Variants in ADAMTS17 observed in about 807,000 individuals in gnomAD.
ADAMTS17 encodes A disintegrin and metalloproteinase with thrombospondin motifs 17.
Under a neutral mutation model 141.5 loss-of-function variants are expected in ADAMTS17, and 113 were observed. The ratio of observed to expected loss-of-function variants is 0.80; its 90% confidence interval spans 0.69 to 0.93. ADAMTS17 has a LOEUF of 0.93. Among genes scored for constraint, ADAMTS17 ranks in the 40% least tolerant of loss-of-function variants. The pLI, the probability that ADAMTS17 is intolerant of heterozygous loss-of-function variation, is 0.00. For synonymous variants in ADAMTS17, 768 were observed against 630.6 expected, an observed-to-expected ratio of 1.22 and a Z score of -3.27; for missense variants, 1,659 against 1,517.9, an observed-to-expected ratio of 1.09 and a Z score of -1.54.
intron 14 of ADAMTS17, 63 bp from the exon 15 acceptor site, chr15:100,096,539 C>T: frequency 1.9e-6 from 3 of 1,610,618 alleles, no homozygotes; most frequent in Non-Finnish European, 1.7e-6. Context: ...AAAGAGGCTG[C>T]CCTGCAAGGC....
chr15:100,051,870 C>G, intron 16 of ADAMTS17, 139 bp from the exon 17 acceptor site: 1 of 1,073,304 alleles, frequency 9.3e-7, no homozygotes, highest in Non-Finnish European at 1.4e-6. Context: ...AAAACAGGTT[C>G]CACTGAGGGT....
intron 20 of ADAMTS17, among the ~76,000 whole-genome samples, chr15:99,988,686 C>G (rs1356614945): frequency 5.3e-5 from 8 of 152,190 alleles, no homozygotes; most frequent in Admixed American, 5.2e-4. Flanking sequence ...GTGTTCTTCA[C>G]AGCATGGCTG....
intron 7 of ADAMTS17, among the ~76,000 whole-genome samples, chr15:100,232,018 A>G (rs60198067): frequency 0.046 from 7,021 of 152,272 alleles, 553 homozygotes; most frequent in African/African-American, 0.16. Context: ...AACTCAACAG[A>G]GTAACAAAAA....
rs2060839092 is a variant in ADAMTS17 at position 99,997,960 on chromosome 15, ATGTGGTTATGTGGTTT to A, written c.2592-387_2592-372del. Among the ~76,000 whole-genome samples, 1 of 152,164 alleles carries A rather than the reference ATGTGGTTATGTGGTTT, an allele frequency of 6.6e-6. No individual in the cohort carries two copies. Among genetic ancestry groups the A allele is most frequent in the Non-Finnish European group, 1.5e-5 (1 of 68,032 alleles). On this transcript the variant is annotated intron_variant, in intron 18 of 21. Transcript: ENST00000268070. This position sits in a 1 kb window ranked among gnomAD's most constrained non-coding sequence, Gnocchi z 4.7. ...GGCGGCGTCCCGGCAGAAGCTCTGAATGTGGTTATGTGGTTTGGCTCTGATTCTCTTTACTTCTTAC... is the reference window on the plus strand; with the variant it reads ...GGCGGCGTCCCGGCAGAAGCTCTGAAGGCTCTGATTCTCTTTACTTCTTAC...
intron 10 of ADAMTS17, among the ~76,000 whole-genome samples, chr15:100,143,606 A>G (rs2038760025): frequency 6.6e-6 from 1 of 152,032 alleles, no homozygotes; most frequent in Admixed American, 6.6e-5. Context: ...GTTGATGCCA[A>G]TTTTTTTTCT....
At chr15:99,977,392 AT>A (rs2060379745) in intron 20 of ADAMTS17, among the ~76,000 whole-genome samples, 4 of 6,566 alleles carry the variant, frequency 6.1e-4, no homozygotes, top group Non-Finnish European at 9.6e-4. Flanking sequence ...ATATATATAT[AT>A]ATATATAATT....
chr15:100,234,386 G>T (rs1169930585), intron 7 of ADAMTS17, among the ~76,000 whole-genome samples: 3 of 152,200 alleles, frequency 2.0e-5, no homozygotes, highest in African/African-American at 7.2e-5. Context: ...CAGTCCTGAT[G>T]CTACCAGTAA....
At position 99,999,367 on chromosome 15, in the gene ADAMTS17, G is replaced by A. The variant is rs370292027; in HGVS notation, c.2592-1778C>T. Among the ~76,000 whole-genome samples, 14 of 152,304 alleles carry A rather than the reference G, an allele frequency of 9.2e-5. No homozygotes were observed. In the East Asian group the frequency reaches 2.5e-3, roughly 27 times the overall value. On this transcript the variant is annotated intron_variant, in intron 18 of 21. Transcript: ENST00000268070. ...TGAGCAGAACAGGGAGTGGGTGGGG[G>A]TGTTATCTTACAGCAGGATGCAGGG...
intron 3 of ADAMTS17, among the ~76,000 whole-genome samples, chr15:100,289,973 C>G (rs2044575134): frequency 6.6e-6 from 1 of 152,170 alleles, no homozygotes; most frequent in South Asian, 2.1e-4. Flanking sequence ...GATGCCCACT[C>G]TCATGGCTCC....
In ADAMTS17 at chr15:100,190,724, T is replaced by C. The variant is rs1031099064; in HGVS notation, c.1181+8594A>G. On this transcript the variant is annotated intron_variant, in intron 8 of 21. Transcript: ENST00000268070. ...CAAACACCTGGAAGAATGGGGACAC[T>C]CCTTCTGCAGAGAAAGCTGCATCAG... 2.0e-5 allele frequency among the ~76,000 whole-genome samples: 3 copies of C among 152,164 alleles called. No individual in the cohort carries two copies. The East Asian group carries it at 5.8e-4, about 29-fold the overall frequency.
intron 4 of ADAMTS17, among the ~76,000 whole-genome samples, chr15:100,278,082 T>C (rs780838325): frequency 4.6e-5 from 7 of 151,974 alleles, no homozygotes; most frequent in Non-Finnish European, 1.0e-4. Flanking sequence ...ATATGAGGTA[T>C]CTAGAGTCAT....
intron 15 of ADAMTS17, among the ~76,000 whole-genome samples, chr15:100,073,422 C>G (rs2034128526): frequency 6.6e-6 from 1 of 152,042 alleles, no homozygotes; most frequent in Non-Finnish European, 1.5e-5. Context: ...GGTGTATACC[C>G]AAAGGATTAT....
chr15:100,322,068 C>G (rs2045748128), intron 3 of ADAMTS17, among the ~76,000 whole-genome samples: 1 of 152,138 alleles, frequency 6.6e-6, no homozygotes, highest in Non-Finnish European at 1.5e-5. Context: ...CAACTGTAAA[C>G]TTGAAAAAAA....
At chr15:100,053,670 G>T (rs1470157241) in intron 16 of ADAMTS17, among the ~76,000 whole-genome samples, 1 of 152,170 alleles carries the variant, frequency 6.6e-6, no homozygotes, top group Non-Finnish European at 1.5e-5. Context: ...GGCCAGGGAA[G>T]AGCCAGGGGA....
intron 15 of ADAMTS17, among the ~76,000 whole-genome samples, chr15:100,056,787 G>C (rs985658769): frequency 2.0e-5 from 3 of 152,070 alleles, no homozygotes; most frequent in South Asian, 2.1e-4. Flanking sequence ...CATTCCCTCA[G>C]CCTATTTTGA....
At chr15:99,995,440 G>A (rs2060782114) in intron 19 of ADAMTS17, among the ~76,000 whole-genome samples, 1 of 152,210 alleles carries the variant, frequency 6.6e-6, no homozygotes, top group Non-Finnish European at 1.5e-5. Flanking sequence ...GAGCAGTGCT[G>A]CAGGCTGCTG....
At chr15:99,991,915 C>T (rs2060697940) in intron 20 of ADAMTS17, among the ~76,000 whole-genome samples, 2 of 152,032 alleles carry the variant, frequency 1.3e-5, no homozygotes, top group African/African-American at 4.8e-5. Context: ...AGCAAACTAA[C>T]ACAGGAACAG....
chr15:100,108,043 G>A (rs371526313), intron 14 of ADAMTS17, among the ~76,000 whole-genome samples: 6 of 152,138 alleles, frequency 3.9e-5, no homozygotes, highest in African/African-American at 1.4e-4. Context: ...GACAAAATGG[G>A]AGCATGGAGT....
At chr15:100,145,339 A>G (rs1454081463) in intron 10 of ADAMTS17, among the ~76,000 whole-genome samples, 1 of 152,098 alleles carries the variant, frequency 6.6e-6, no homozygotes, top group Non-Finnish European at 1.5e-5. Flanking sequence ...AAATTTTTAG[A>G]CTTTTAATTG....
Sources: allele counts gnomAD v4.1 joint callset (sites outside exome capture counted in the v4.1 genomes callset), GRCh38; gene constraint gnomAD v4.1.1; non-coding constraint Gnocchi (gnomAD v3.1); transcripts MANE v1.5; gene names NCBI Gene and HGNC (gene_info 2026-07-23, HGNC 2026-07-21).